The following BMPR1B variants were observed in gnomAD, a reference collection of about 807,000 sequenced individuals.
BMPR1B encodes bone morphogenetic protein receptor type-1B.
A neutral mutation model predicts 59.1 loss-of-function variants in BMPR1B; 12 were observed. The ratio of observed to expected loss-of-function variants is 0.20; its 90% CI spans 0.13 to 0.33. The LOEUF (loss-of-function observed/expected upper bound fraction) is 0.33, where lower values mean the gene tolerates loss of function less well. Ranked by LOEUF, BMPR1B falls within the 10% of genes least tolerant of loss-of-function variation. BMPR1B has a pLI of 1.00. For synonymous variants in BMPR1B, 237 were observed against 207.3 expected (o/e 1.14, Z -1.23); for missense variants, 550 against 610.9 (o/e 0.90, Z 1.05).
chr4:94,913,039 A>T (rs113920592), intron 2 of BMPR1B, among the ~76,000 whole-genome samples: 149 of 152,242 alleles, frequency 9.8e-4, no homozygotes, highest in African/African-American at 3.4e-3. Context: ...CCAGGAAATT[A>T]TAACTTTTAA....
intron 2 of BMPR1B, among the ~76,000 whole-genome samples, chr4:94,947,498 TC>T (rs1445540681): frequency 6.6e-6 from 1 of 152,234 alleles, no homozygotes; most frequent in Non-Finnish European, 1.5e-5. Context: ...TGACTGTTGT[TC>T]ATTTATGTTA....
intron 2 of BMPR1B, among the ~76,000 whole-genome samples, chr4:94,899,991 T>G (rs1253560233): frequency 6.6e-6 from 1 of 152,044 alleles, no homozygotes; most frequent in African/African-American, 2.4e-5. Flanking sequence ...TAGCAGGTTG[T>G]CACTTCTAGA....
chr4:94,794,325 C>T (rs1254934938), intron 1 of BMPR1B, among the ~76,000 whole-genome samples: 3 of 151,630 alleles, frequency 2.0e-5, no homozygotes, highest in Admixed American at 6.6e-5. Context: ...GATCAGATAG[C>T]TGCAGATATG....
rs758237489 is a variant in BMPR1B at position 94,957,437 on chromosome 4, A to G, written c.-112-38603A>G. Among the ~76,000 whole-genome samples the G allele has an allele frequency of 2.3e-5, 3 of 128,540 alleles. No homozygotes were observed. The East Asian group carries it at 7.0e-4, about 30-fold the overall frequency. 84.3% of individuals were successfully genotyped at this position (128,540 alleles called of 152,430 possible). A position where few individuals can be genotyped will look rare whatever the true frequency, so the allele number is the denominator to read the frequency against. On this transcript the variant is annotated intron_variant, in intron 2 of 12. Transcript: ENST00000515059. ...TTTCTTTTTGTCTTTTCATTTTCTT[A>G]TAAGACTTTAGGATGTTTAAAATGA...
intron 3 of BMPR1B, among the ~76,000 whole-genome samples, chr4:95,044,265 A>G (rs1725875670): frequency 6.6e-6 from 1 of 152,184 alleles, no homozygotes; most frequent in Non-Finnish European, 1.5e-5. Flanking sequence ...CTCCCCAAAT[A>G]TATTGTGGCA....
At chr4:94,766,053 GT>G (rs1721956117) in intron 1 of BMPR1B, among the ~76,000 whole-genome samples, 1 of 152,158 alleles carries the variant, frequency 6.6e-6, no homozygotes, top group South Asian at 2.1e-4. Context: ...TTTTTAAAGT[GT>G]TTAGAACAGT....
At chr4:94,790,523 G>T (rs190887923) in intron 1 of BMPR1B, among the ~76,000 whole-genome samples, 1 of 152,198 alleles carries the variant, frequency 6.6e-6, no homozygotes, top group African/African-American at 2.4e-5. Flanking sequence ...CCTTTTCCCC[G>T]GCGTTCTCAG....
At chr4:94,946,849 G>A (rs945085614) in intron 2 of BMPR1B, among the ~76,000 whole-genome samples, 6 of 152,064 alleles carry the variant, frequency 3.9e-5, no homozygotes, top group African/African-American at 1.4e-4. Context: ...TCAGGAGTTT[G>A]AGACCAGCCT....
chr4:95,116,421 G>GCGCGCGCGCGCGCACACA, intron 6 of BMPR1B, among the ~76,000 whole-genome samples: 7 of 123,198 alleles, frequency 5.7e-5, no homozygotes, highest in African/African-American at 2.5e-4. Flanking sequence ...TTCAGCGCGC[G>GCGCGCGCGCGCGCACACA]CACACACACA....
intron 2 of BMPR1B, among the ~76,000 whole-genome samples, chr4:94,992,011 C>A (rs760614304): frequency 1.3e-5 from 2 of 152,174 alleles, no homozygotes; most frequent in African/African-American, 4.8e-5. Context: ...TAAAGTTCAT[C>A]ATGTCCCAAA....
chr4:94,813,990 T>C (rs566139918), intron 1 of BMPR1B, among the ~76,000 whole-genome samples: 1 of 152,186 alleles, frequency 6.6e-6, no homozygotes, highest in African/African-American at 2.4e-5. Flanking sequence ...CTATGAGATA[T>C]GCAGGTGGGA....
At chr4:94,941,979 A>G (rs1729535612) in intron 2 of BMPR1B, among the ~76,000 whole-genome samples, 2 of 152,202 alleles carry the variant, frequency 1.3e-5, no homozygotes, top group Non-Finnish European at 2.9e-5. Context: ...TATTTACTAT[A>G]AAAGGAATTA....
chr4:95,100,362 A>C (rs776540071), intron 3 of BMPR1B, among the ~76,000 whole-genome samples: 1 of 152,102 alleles, frequency 6.6e-6, no homozygotes. Context: ...TTTTTCCCTC[A>C]GACTTTTGAA....
intron 2 of BMPR1B, among the ~76,000 whole-genome samples, chr4:94,935,868 A>G (rs893300536): frequency 6.6e-6 from 1 of 152,216 alleles, no homozygotes; most frequent in African/African-American, 2.4e-5. Flanking sequence ...TTTCAGGGGA[A>G]AATGCCTTAT....
chr4:95,041,203 C>T (rs1725629360), intron 3 of BMPR1B, among the ~76,000 whole-genome samples: 3 of 152,156 alleles, frequency 2.0e-5, no homozygotes. Context: ...TGCACCACCA[C>T]ACCTGGCTAA....
intron 3 of BMPR1B, among the ~76,000 whole-genome samples, chr4:95,047,331 A>C (rs1300888139): frequency 6.6e-6 from 1 of 152,132 alleles, no homozygotes; most frequent in African/African-American, 2.4e-5. Context: ...ATGTCATCTT[A>C]GTCTCTGTTG....
At chr4:94,811,017 CAT>C (rs1307178930) in intron 1 of BMPR1B, among the ~76,000 whole-genome samples, 1 of 152,150 alleles carries the variant, frequency 6.6e-6, no homozygotes, top group Admixed American at 6.5e-5. Flanking sequence ...CTGAGAAAAA[CAT>C]AGCACAATAA....
intron 1 of BMPR1B, among the ~76,000 whole-genome samples, chr4:94,818,792 G>A (rs763724938): frequency 1.3e-5 from 2 of 152,068 alleles, no homozygotes; most frequent in African/African-American, 4.8e-5. Context: ...TGGGGGAGGG[G>A]AGATGAATTA....
intron 1 of BMPR1B, among the ~76,000 whole-genome samples, chr4:94,774,207 A>T (rs1722286775): frequency 6.6e-6 from 1 of 152,060 alleles, no homozygotes; most frequent in Non-Finnish European, 1.5e-5. Context: ...TATATTTATC[A>T]AGCTAACTAA....
Sources: gnomAD v4.1 joint callset for allele counts (sites outside exome capture counted in the v4.1 genomes callset) on GRCh38, gnomAD v4.1.1 for gene constraint, MANE v1.5 for transcripts, NCBI Gene and HGNC (gene_info 2026-07-23, HGNC 2026-07-21) for gene names.